The following GRID2 variants were observed in gnomAD, a reference collection of about 807,000 sequenced individuals.
The protein encoded by GRID2 is glutamate receptor ionotropic, delta-2.
In GRID2, 33 loss-of-function variants were observed where a neutral mutation model predicts 114.8. The ratio of observed to expected loss-of-function variants is 0.29; its 90% CI spans 0.22 to 0.38. The LOEUF (loss-of-function observed/expected upper bound fraction) is 0.38, where lower values mean the gene tolerates loss of function less well. Ranked by LOEUF, GRID2 falls within the 10% of genes least tolerant of loss-of-function variation. GRID2 has a pLI of 1.00. For missense variants in GRID2, 1,184 were observed against 1,257.7 expected (o/e 0.94, Z 0.89); for synonymous variants, 505 against 449.9 (o/e 1.12, Z -1.55).
Position 93,722,063 on chromosome 4 carries a change from C to A in GRID2, c.2361-47147C>A, listed in dbSNP as rs1440040418. Among the ~76,000 whole-genome samples the A allele has an allele frequency of 2.0e-5, 3 of 151,682 alleles. No individual in the cohort carries two copies. The East Asian group carries it at 5.8e-4, about 29-fold the overall frequency. ...TCTCCCAAGCAGCTGGGATTACAGG[C>A]ATCCACCACCACGCCGGGCTAATAT... On this transcript the variant is annotated intron_variant, in intron 14 of 15. Transcript: ENST00000282020.
Position 93,455,861 on chromosome 4 carries a change from T to C in GRID2, c.1745T>C (p.Leu582Pro), listed in dbSNP as rs1431898759. The C allele has an allele frequency of 6.2e-7, 1 of 1,610,164 alleles. No individual in the cohort carries two copies. Among genetic ancestry groups the C allele is most frequent in the East Asian group, 2.2e-5 (1 of 44,824 alleles). Residue 582 changes from leucine (L) to proline (P), a missense_variant, in exon 11 of 16, where the codon CTA becomes CCA. Around this residue, in one of 3 missense-constraint regions of GRID2, gnomAD observed 717 missense variants for 796.9 expected, o/e 0.90. Transcript: ENST00000282020. ...CIAGTVLLVG[L>P]LVYLLNWLNP... ...GCTGGCACAGTCCTTCTGGTGGGTC[T>C]ACTGGTCTACCTCTTGAACTGGCTT... is the stretch of plus-strand genomic sequence containing the variant.
chr4:93,773,424 A>G lies in GRID2; in HGVS notation c.*926A>G, dbSNP rs577691352. 3.9e-5 allele frequency: 6 copies of G among 152,128 alleles called. No individual in the cohort carries two copies. Among genetic ancestry groups the G allele is most frequent in the Non-Finnish European group, 7.4e-5 (5 of 67,990 alleles). The allele number at this position is 152,128 out of a possible 1,614,324, so 9.4% of individuals were successfully genotyped here. ...CTCGCATTGTTTGCCAACAGAAAAT[A>G]TTTTATACTTTTGTTATTAAAGCAT... is the stretch of plus-strand genomic sequence containing the variant. On this transcript the variant is annotated 3_prime_UTR_variant, in exon 16 of 16. Transcript: ENST00000282020.
At chr4:93,678,171 G>T (rs565459108) in intron 14 of GRID2, among the ~76,000 whole-genome samples, 5 of 152,242 alleles carry the variant, frequency 3.3e-5, no homozygotes, top group East Asian at 1.9e-4. Context: ...GGAAGAAAGG[G>T]TATCAGTGAT....
chr4:92,329,820 G>C (rs1387171307), intron 1 of GRID2, among the ~76,000 whole-genome samples: 3 of 151,918 alleles, frequency 2.0e-5, no homozygotes, highest in Non-Finnish European at 4.4e-5. Flanking sequence ...TAGAGGATAT[G>C]AATTTAGATT....
intron 1 of GRID2, among the ~76,000 whole-genome samples, chr4:92,586,689 T>C (rs1728467198): frequency 3.3e-5 from 5 of 151,998 alleles, no homozygotes. Flanking sequence ...TGTAATTAAG[T>C]TGACAATTAT....
At chr4:92,379,724 G>A (rs1333270233) in intron 1 of GRID2, among the ~76,000 whole-genome samples, 1 of 151,890 alleles carries the variant, frequency 6.6e-6, no homozygotes, top group African/African-American at 2.4e-5. Context: ...ATTAATGCAT[G>A]AGGCCTCCCA....
At chr4:92,646,526 C>T (rs1466355455) in intron 2 of GRID2, among the ~76,000 whole-genome samples, 2 of 151,962 alleles carry the variant, frequency 1.3e-5, no homozygotes, top group African/African-American at 4.8e-5. Flanking sequence ...ATGTTTTCAT[C>T]TAGAAATGCT....
intron 14 of GRID2, among the ~76,000 whole-genome samples, chr4:93,638,555 G>A (rs1205010133): frequency 5.3e-5 from 1 of 18,914 alleles, no homozygotes; most frequent in African/African-American, 4.6e-4. Flanking sequence ...GAGAATATGC[G>A]GTGTTTGGTT....
intron 4 of GRID2, among the ~76,000 whole-genome samples, chr4:93,129,733 C>T (rs1168851916): frequency 6.6e-6 from 1 of 152,048 alleles, no homozygotes; most frequent in African/African-American, 2.4e-5. Context: ...TTTTTTGCAG[C>T]CCTTGTCTCC....
At position 92,884,428 on chromosome 4, in the gene GRID2, C is replaced by T. The variant is rs1395265705; in HGVS notation, c.245-200567C>T. ...TCACTGGAGTAACACATTTAATAAC[C>T]TTCAAGAACCTTTCCTCTACAACAC... On this transcript the variant is annotated intron_variant, in intron 2 of 15. Coordinates refer to ENST00000282020, the MANE Select transcript of GRID2 (RefSeq NM_001510.4). Among the ~76,000 whole-genome samples the T allele has an allele frequency of 2.6e-5, 4 of 152,190 alleles. No homozygotes were observed. The South Asian group carries it at 8.3e-4, about 31-fold the overall frequency.
chr4:93,265,158 T>TC (rs1750682700), intron 8 of GRID2, among the ~76,000 whole-genome samples: 2 of 152,108 alleles, frequency 1.3e-5, no homozygotes, highest in South Asian at 4.2e-4. Flanking sequence ...TTGGTTTTTT[T>TC]CCCTCATGAA....
intron 3 of GRID2, among the ~76,000 whole-genome samples, chr4:93,100,782 G>T (rs1336232161): frequency 6.6e-6 from 1 of 151,978 alleles, no homozygotes; most frequent in Non-Finnish European, 1.5e-5. Flanking sequence ...GAAATGAGTA[G>T]AGGAAAAAAA....
At chr4:92,835,191 TAAA>T (rs33949803) in intron 2 of GRID2, among the ~76,000 whole-genome samples, 13 of 146,874 alleles carry the variant, frequency 8.9e-5, no homozygotes, top group African/African-American at 3.2e-4. Context: ...CTGAAAGAGG[TAAA>T]AAAAAAAAAG....
intron 14 of GRID2, among the ~76,000 whole-genome samples, chr4:93,667,899 C>T (rs1724084718): frequency 6.6e-6 from 1 of 151,910 alleles, no homozygotes; most frequent in South Asian, 2.1e-4. Context: ...AGATGGACTC[C>T]AAATATTTCT....
intron 10 of GRID2, among the ~76,000 whole-genome samples, chr4:93,438,263 A>G (rs914175029): frequency 6.6e-6 from 1 of 152,128 alleles, no homozygotes; most frequent in African/African-American, 2.4e-5. Context: ...AAAATGCCAT[A>G]GGGTAATACA....
chr4:92,631,557 T>A (rs1450450488), intron 2 of GRID2, among the ~76,000 whole-genome samples: 1 of 152,142 alleles, frequency 6.6e-6, no homozygotes, highest in Non-Finnish European at 1.5e-5. Flanking sequence ...TTTTTTAAAT[T>A]ATTTTTTTAA....
intron 2 of GRID2, among the ~76,000 whole-genome samples, chr4:92,693,744 A>T (rs1341169947): frequency 6.6e-6 from 1 of 152,234 alleles, no homozygotes; most frequent in East Asian, 1.9e-4. Flanking sequence ...GGTGCTTAAC[A>T]TATTTTTCAA....
intron 8 of GRID2, among the ~76,000 whole-genome samples, chr4:93,257,447 T>G (rs548163180): frequency 6.6e-6 from 1 of 151,830 alleles, no homozygotes; most frequent in Non-Finnish European, 1.5e-5. Context: ...AGTGATTTTT[T>G]AAAGAAATGG....
chr4:93,286,717 G>GTGTA (rs1561087196), intron 8 of GRID2, among the ~76,000 whole-genome samples: 1 of 145,030 alleles, frequency 6.9e-6, no homozygotes, highest in Admixed American at 6.7e-5. Flanking sequence ...GTGTGTGTGT[G>GTGTA]TGTATGTTCC....
Sources: gnomAD v4.1 joint callset for allele counts (sites outside exome capture counted in the v4.1 genomes callset) on GRCh38, gnomAD v4.1.1 for gene constraint, gnomAD v4.1.1 regional missense constraint, MANE v1.5 for transcripts, NCBI Gene and HGNC (gene_info 2026-07-23, HGNC 2026-07-21) for gene names.